Variants in TTC28 observed in about 807,000 individuals in gnomAD.
TTC28 encodes the protein tetratricopeptide repeat protein 28.
TTC28 carries 61 observed loss-of-function variants against 198.0 expected under a neutral mutation model. That is an observed-to-expected ratio of 0.31 (90% CI 0.25 to 0.38). The LOEUF is 0.38. Among genes scored for constraint, TTC28 ranks in the 10% least tolerant of loss-of-function variants. The pLI is 1.00. For missense variants in TTC28, 2,678 were observed against 3,164.0 expected (o/e 0.85, Z 3.69); for synonymous variants, 1,171 against 1,297.8 (o/e 0.90, Z 2.10).
chr22:28,672,830 G>GA (rs1261620584), intron 1 of TTC28, among the ~76,000 whole-genome samples: 2 of 152,318 alleles, frequency 1.3e-5, no homozygotes, highest in Non-Finnish European at 1.5e-5. Context: ...GACCACTACA[G>GA]AAAAAACCCT....
chr22:28,211,848 G>T (rs571719818), intron 5 of TTC28, among the ~76,000 whole-genome samples: 7 of 151,952 alleles, frequency 4.6e-5, no homozygotes, highest in African/African-American at 1.5e-4. Flanking sequence ...GCACCATATC[G>T]CACTTATTCC....
chr22:28,252,603 C>T (rs1930597264), intron 5 of TTC28, among the ~76,000 whole-genome samples: 1 of 152,188 alleles, frequency 6.6e-6, no homozygotes, highest in Admixed American at 6.5e-5. Flanking sequence ...CCAAGTTCAT[C>T]TCCATTAGTA....
chr22:28,105,151 C>G (rs1942257951), intron 8 of TTC28, 128 bp downstream of exon 8: 2 of 963,598 alleles, frequency 2.1e-6, no homozygotes, highest in Admixed American at 2.8e-5. Context: ...GACAATGTGG[C>G]CTCTGAGACC....
chr22:28,622,140 G>T (rs1303617566), intron 2 of TTC28, among the ~76,000 whole-genome samples: 2 of 152,206 alleles, frequency 1.3e-5, no homozygotes, highest in Non-Finnish European at 2.9e-5. Context: ...GTCAGGTACT[G>T]TAAGAATGGT....
chr22:28,382,507 T>C (rs1324814019), intron 2 of TTC28, among the ~76,000 whole-genome samples: 4 of 152,208 alleles, frequency 2.6e-5, no homozygotes, highest in Admixed American at 6.5e-5. Context: ...ATCCATGGAC[T>C]TGACCTTTGG....
chr22:28,414,091 C>T (rs2047130587), intron 2 of TTC28, among the ~76,000 whole-genome samples: 2 of 152,192 alleles, frequency 1.3e-5, no homozygotes, highest in African/African-American at 2.4e-5. Context: ...TAATATGTCA[C>T]ATCATCTAAT....
At chr22:28,457,010 G>T (rs1293025155) in intron 2 of TTC28, among the ~76,000 whole-genome samples, 1 of 152,130 alleles carries the variant, frequency 6.6e-6, no homozygotes, top group Non-Finnish European at 1.5e-5. Context: ...TTTATTTATG[G>T]GCATGTACTG....
chr22:28,113,806 T>C (rs1601331756), intron 6 of TTC28, among the ~76,000 whole-genome samples: 1 of 152,232 alleles, frequency 6.6e-6, no homozygotes, highest in Admixed American at 6.5e-5. Flanking sequence ...ATTATACCAT[T>C]TTCTCCTGTG....
chr22:28,503,725 AT>A (rs1395112759), intron 2 of TTC28, among the ~76,000 whole-genome samples: 1 of 152,218 alleles, frequency 6.6e-6, no homozygotes. Flanking sequence ...CATATTACAG[AT>A]TATCAAGATG....
chr22:28,600,392 A>C (rs528733249), intron 2 of TTC28, among the ~76,000 whole-genome samples: 2 of 152,330 alleles, frequency 1.3e-5, no homozygotes, highest in Admixed American at 1.3e-4. Flanking sequence ...GCAACAAAGC[A>C]AGACCTTGCT....
At chr22:28,467,690 A>G (rs373934975) in intron 2 of TTC28, among the ~76,000 whole-genome samples, 8 of 152,264 alleles carry the variant, frequency 5.3e-5, no homozygotes, top group African/African-American at 1.9e-4. Context: ...AAACTAAGAC[A>G]TGCCTCAGGC....
At chr22:28,517,899 C>T (rs370341050) in intron 2 of TTC28, among the ~76,000 whole-genome samples, 104 of 151,562 alleles carry the variant, frequency 6.9e-4, no homozygotes, top group Non-Finnish European at 1.2e-3. Context: ...TTCTCTTGTC[C>T]GAAGTTTTAA....
chr22:28,034,455 T>G (rs1939250885), intron 12 of TTC28, among the ~76,000 whole-genome samples: 1 of 152,206 alleles, frequency 6.6e-6, no homozygotes, highest in African/African-American at 2.4e-5. Context: ...GATCGATTTC[T>G]CCTTCCCTCG....
At chr22:28,148,067 G>A (rs1382436637) in intron 6 of TTC28, among the ~76,000 whole-genome samples, 1 of 152,100 alleles carries the variant, frequency 6.6e-6, no homozygotes, top group Non-Finnish European at 1.5e-5. Context: ...CTTCATTTTA[G>A]TCATGCTTTG....
intron 2 of TTC28, among the ~76,000 whole-genome samples, chr22:28,487,544 A>G (rs972701446): frequency 6.6e-6 from 1 of 152,208 alleles, no homozygotes; most frequent in Non-Finnish European, 1.5e-5. Flanking sequence ...GAATAACATT[A>G]GGATAAAATG....
chr22:28,194,358 T>A (rs1021564353), intron 5 of TTC28, among the ~76,000 whole-genome samples: 6 of 152,096 alleles, frequency 3.9e-5, no homozygotes, highest in African/African-American at 1.4e-4. Flanking sequence ...CACCTGAACA[T>A]CACAATTAAA....
At chr22:28,671,996 A>C (rs1177109661) in intron 1 of TTC28, among the ~76,000 whole-genome samples, 1 of 151,388 alleles carries the variant, frequency 6.6e-6, no homozygotes, top group Non-Finnish European at 1.5e-5. Context: ...TTTTATCAGA[A>C]AATTAAAATA....
chr22:28,034,512 C>G (rs1939255364), intron 12 of TTC28, among the ~76,000 whole-genome samples: 2 of 152,138 alleles, frequency 1.3e-5, no homozygotes, highest in African/African-American at 2.4e-5. Flanking sequence ...CTTCATGGGC[C>G]CTTTCTACTC....
intron 2 of TTC28, among the ~76,000 whole-genome samples, chr22:28,401,232 T>TGACGACGAC (rs879357486): frequency 6.6e-6 from 1 of 151,272 alleles, no homozygotes; most frequent in Non-Finnish European, 1.5e-5. Flanking sequence ...ACGACGACGA[T>TGACGACGAC]GACGACGACG....
Sources: allele counts gnomAD v4.1 joint callset (sites outside exome capture counted in the v4.1 genomes callset), GRCh38; gene constraint gnomAD v4.1.1; transcripts MANE v1.5; gene names NCBI Gene and HGNC (gene_info 2026-07-23, HGNC 2026-07-21).